MKLN1: variants seen among roughly 807,000 people sequenced by gnomAD.
The protein encoded by MKLN1 is muskelin.
Under a neutral mutation model 99.0 loss-of-function variants are expected in MKLN1, and 18 were observed. The ratio of observed to expected loss-of-function variants is 0.18; its 90% CI spans 0.13 to 0.27. MKLN1 has a LOEUF of 0.27. MKLN1 is among the 10% of genes least tolerant of loss of function. MKLN1 has a pLI of 1.00. For synonymous variants in MKLN1, 288 were observed against 293.2 expected (o/e 0.98, Z 0.18); for missense variants, 621 against 875.9 (o/e 0.71, Z 3.67).
At chr7:131,319,689 GA>G (rs1208808664) in intron 3 of MKLN1, among the ~76,000 whole-genome samples, 1 of 152,202 alleles carries the variant, frequency 6.6e-6, no homozygotes, top group Admixed American at 6.6e-5. Flanking sequence ...TATATATTTA[GA>G]AAACCCATTG....
At chr7:131,424,305 T>G (rs1018336854) in intron 8 of MKLN1, among the ~76,000 whole-genome samples, 12 of 152,182 alleles carry the variant, frequency 7.9e-5, no homozygotes, top group Non-Finnish European at 1.5e-4. Context: ...CTGCCTCTTC[T>G]TTTTGATACA....
chr7:131,247,203 C>CTT (rs954518789), intron 3 of MKLN1, among the ~76,000 whole-genome samples: 1 of 147,624 alleles, frequency 6.8e-6, no homozygotes, highest in East Asian at 2.0e-4. Flanking sequence ...CTACTGAGAG[C>CTT]TTTTTTTTAC....
chr7:131,419,829 G>C (rs1220442392), intron 8 of MKLN1, among the ~76,000 whole-genome samples: 1 of 152,136 alleles, frequency 6.6e-6, no homozygotes, highest in Non-Finnish European at 1.5e-5. Context: ...GGCACAAACT[G>C]TGTTGAGTTT....
At chr7:131,146,144 A>C (rs1227271729) in intron 2 of MKLN1, among the ~76,000 whole-genome samples, 1 of 152,156 alleles carries the variant, frequency 6.6e-6, no homozygotes, top group African/African-American at 2.4e-5. Flanking sequence ...CTAGGATTTG[A>C]ACCCAGGCAG....
intron 3 of MKLN1, among the ~76,000 whole-genome samples, chr7:131,307,384 C>G (rs1442809023): frequency 1.3e-5 from 2 of 152,096 alleles, no homozygotes; most frequent in African/African-American, 4.8e-5. Context: ...CCTAGTGGAC[C>G]TGTGAGAAGA....
chr7:131,360,339 C>T (rs1248653676), intron 1 of MKLN1, among the ~76,000 whole-genome samples: 1 of 152,076 alleles, frequency 6.6e-6, no homozygotes, highest in Non-Finnish European at 1.5e-5. Flanking sequence ...TAACTGTTTT[C>T]TATTTACTGT....
Position 131,202,975 on chromosome 7 carries a change from G to C in MKLN1, c.-179+1G>C, listed in dbSNP as rs1796753571. Reference sequence around the variant, plus strand: ...TTGGTAAACCCACAGGATGAACAAGGTAACTGGGGTAATTCATCTAACAAA... The same window carrying C: ...TTGGTAAACCCACAGGATGAACAAGCTAACTGGGGTAATTCATCTAACAAA... On this transcript the variant is annotated splice_donor_variant, in intron 3 of 7. Transcript: ENST00000416992. LOFTEE classifies it low-confidence loss of function (5UTR_SPLICE). 5 of 152,192 alleles carry C rather than the reference G, an allele frequency of 3.3e-5. No homozygotes were observed. The allele number at this position is 152,192 out of a possible 1,614,324, so 9.4% of individuals were successfully genotyped here.
chr7:131,241,126 C>A (rs1177231116), intron 3 of MKLN1, among the ~76,000 whole-genome samples: 2 of 152,122 alleles, frequency 1.3e-5, no homozygotes, highest in Non-Finnish European at 2.9e-5. Context: ...GGCTGTGATC[C>A]CAGCACTTTG....
rs769778803 is a variant in MKLN1 at position 131,429,044 on chromosome 7, T to A, written c.859T>A (p.Leu287Met). 1.2e-6 allele frequency: 2 copies of A among 1,613,678 alleles called. No homozygotes were observed. The highest frequency in any genetic ancestry group is 1.7e-6 in the Non-Finnish European group (2 of 1,179,770). Residue 287 changes from leucine to methionine, a missense_variant, in exon 9 of 18, where the codon TTG becomes ATG. Coordinates refer to ENST00000352689, the MANE Select transcript of MKLN1 (RefSeq NM_013255.5). Reference sequence around the variant, plus strand: ...TCTGATTTTCATAGAGACTGTTTATTTGTTTGGTGGCTGGGATGGAACACA... The same window carrying A: ...TCTGATTTTCATAGAGACTGTTTATATGTTTGGTGGCTGGGATGGAACACA... Reference protein sequence around the residue: ...VIDVQTETVYLFGGWDGTQDL... With the variant: ...VIDVQTETVYMFGGWDGTQDL...
At chr7:131,457,822 A>G (rs1322535882) in intron 12 of MKLN1, among the ~76,000 whole-genome samples, 1 of 152,152 alleles carries the variant, frequency 6.6e-6, no homozygotes, top group African/African-American at 2.4e-5. Flanking sequence ...AGGCTGAGGT[A>G]GGAGAATTGC....
At chr7:131,443,793 G>T in intron 11 of MKLN1, 91 bp downstream of exon 11, 1 of 989,492 alleles carries the variant, frequency 1.0e-6, no homozygotes, top group Non-Finnish European at 1.6e-6. Flanking sequence ...TTTAGGAAGA[G>T]ATTAGTGTAG....
intron 3 of MKLN1, among the ~76,000 whole-genome samples, chr7:131,206,684 T>C (rs1023879188): frequency 4.0e-5 from 6 of 151,840 alleles, no homozygotes; most frequent in Non-Finnish European, 4.4e-5. Context: ...GCCTCCAGGG[T>C]AGTTAGGACT....
chr7:131,291,351 G>A (rs1008522830), intron 3 of MKLN1, among the ~76,000 whole-genome samples: 3 of 150,876 alleles, frequency 2.0e-5, no homozygotes, highest in South Asian at 2.1e-4. Context: ...GGCTGGTCTC[G>A]AACTCCTGAC....
intron 16 of MKLN1, chr7:131,471,973 C>G (rs1247938621): frequency 6.6e-6 from 1 of 152,184 alleles, no homozygotes; most frequent in East Asian, 1.9e-4. Flanking sequence ...TTGATTATGG[C>G]CCTTCAGTAG....
intron 3 of MKLN1, among the ~76,000 whole-genome samples, chr7:131,258,508 C>G (rs1797689668): frequency 6.6e-6 from 1 of 152,172 alleles, no homozygotes; most frequent in African/African-American, 2.4e-5. Flanking sequence ...TTAGAGGAAA[C>G]TAGGACACTG....
At chr7:131,323,725 C>A (rs1168803832), upstream of MKLN1, 1 of 152,114 alleles carries the variant, frequency 6.6e-6, no homozygotes, top group Non-Finnish European at 1.5e-5. Context: ...TGTTTAGGAT[C>A]AAAGTGTGGC....
At chr7:131,244,736 T>A (rs1438083548) in intron 3 of MKLN1, among the ~76,000 whole-genome samples, 1 of 152,072 alleles carries the variant, frequency 6.6e-6, no homozygotes, top group Non-Finnish European at 1.5e-5. Flanking sequence ...GGTGGCCAGA[T>A]TTGGCATGTC....
At chr7:131,447,986 T>G (rs922197457) in intron 12 of MKLN1, among the ~76,000 whole-genome samples, 1 of 152,198 alleles carries the variant, frequency 6.6e-6, no homozygotes, top group African/African-American at 2.4e-5. Context: ...CCCAGCAGTT[T>G]GGGAGGCCAA....
rs181867709 is a variant in MKLN1 at position 131,400,726 on chromosome 7, T to C, written c.703+1293T>C. ...ACAGTTAATAAGCTAAAAACAGTTATATTTTAAAGGTCTCTTTAGTGACGT... is the reference window on the plus strand; with the variant it reads ...ACAGTTAATAAGCTAAAAACAGTTACATTTTAAAGGTCTCTTTAGTGACGT... On this transcript the variant is annotated intron_variant, in intron 6 of 17. Transcript: ENST00000352689. 2.8e-3 allele frequency among the ~76,000 whole-genome samples: 424 copies of C among 152,094 alleles called. 1 individual carries two copies. The highest frequency in any genetic ancestry group is 9.8e-3 in the African/African-American group (406 of 41,530).
Sources: allele counts gnomAD v4.1 joint callset (sites outside exome capture counted in the v4.1 genomes callset), GRCh38; gene constraint gnomAD v4.1.1; transcripts MANE v1.5; gene names NCBI Gene and HGNC (gene_info 2026-07-23, HGNC 2026-07-21).